PRSS21: variants seen among roughly 807,000 people sequenced by gnomAD.
PRSS21 encodes serine protease 21.
Under a neutral mutation model 31.1 loss-of-function variants are expected in PRSS21, and 40 were observed. The ratio of observed to expected loss-of-function variants is 1.29; its 90% confidence interval spans 1.00 to 1.68. The LOEUF is 1.68. Ranked by LOEUF, PRSS21 falls within the 40% of genes most tolerant of loss-of-function variation. The pLI, the probability that PRSS21 is intolerant of heterozygous loss-of-function variation, is 0.00. For missense variants in PRSS21, 467 were observed against 412.6 expected (o/e 1.13, Z -1.14); for synonymous variants, 186 against 167.7 (o/e 1.11, Z -0.84).
At chr16:2,820,676 G>A (rs2069155664) in intron 4 of PRSS21, among the ~76,000 whole-genome samples, 1 of 152,198 alleles carries the variant, frequency 6.6e-6, no homozygotes, top group Non-Finnish European at 1.5e-5. Flanking sequence ...TTTTGGCTGA[G>A]GAATCTCTCC....
At position 2,817,919 on chromosome 16, in the gene PRSS21, C is replaced by T; in HGVS notation, c.210C>T (p.Ser70=). ...GGGATTCCCACGTATGCGGAGTGAG[C>T]CTGCTCAGCCACCGCTGGGCACTCA... ...RLWDSHVCGV[S]LLSHRWALTA... Residue 70 remains serine, a synonymous_variant, in exon 3 of 6, where the codon AGC becomes AGT. Transcript: ENST00000005995. This position sits in a 1 kb window ranked among gnomAD's most constrained non-coding sequence, Gnocchi z 4.2. 4 of 1,549,422 alleles carry T rather than the reference C, an allele frequency of 2.6e-6. No homozygotes were observed. Among genetic ancestry groups the T allele is most frequent in the Non-Finnish European group, 1.7e-6 (2 of 1,146,890 alleles).
intron 3 of PRSS21, 54 bp from the exon 4 acceptor site, chr16:2,818,623 C>G: frequency 6.4e-7 from 1 of 1,556,232 alleles, no homozygotes; most frequent in Non-Finnish European, 8.8e-7. Context: ...CAGTTGTGCT[C>G]AGGTAGCCAG....
chr16:2,819,938 C>A (rs981145184), intron 4 of PRSS21, among the ~76,000 whole-genome samples: 1 of 152,168 alleles, frequency 6.6e-6, no homozygotes, highest in South Asian at 2.1e-4. Context: ...AGGAGGGATC[C>A]TTTGCCTTCC....
chr16:2,821,218 A>C (rs2150813230), intron 5 of PRSS21, 109 bp downstream of exon 5: 1 of 1,544,800 alleles, frequency 6.5e-7, no homozygotes, highest in Middle Eastern at 2.0e-4. Flanking sequence ...CCCACTCTGC[A>C]GATGCAGAAA....
chr16:2,820,541 C>G (rs2069152867), intron 4 of PRSS21, among the ~76,000 whole-genome samples: 1 of 152,114 alleles, frequency 6.6e-6, no homozygotes, highest in South Asian at 2.1e-4. Flanking sequence ...AGCTTGTGTC[C>G]AGGCCTGGAA....
In PRSS21 at chr16:2,821,022, C is replaced by T; in HGVS notation, c.618C>T (p.His206=). 6.2e-7 allele frequency: 1 copy of T among 1,614,152 alleles called. No individual in the cohort carries two copies. Among genetic ancestry groups the T allele is most frequent in the Non-Finnish European group, 8.5e-7 (1 of 1,180,006 alleles). ...TCATAAACAACTCTATGTGCAACCA[C>T]CTCTTCCTCAAGTACAGTTTCCGCA... ...VAIINNSMCN[H]LFLKYSFRKD... Residue 206 remains histidine (H), a synonymous_variant, in exon 5 of 6, where the codon CAC becomes CAT. Transcript: ENST00000005995.
chr16:2,818,980 G>A lies in PRSS21; in HGVS notation c.550+11G>A. On this transcript the variant is annotated intron_variant, in intron 4 of 5. Coordinates refer to ENST00000005995, the MANE Select transcript of PRSS21 (RefSeq NM_006799.4). ...TCAAAGAGGATGAGGGTGAGGCTGG[G>A]GACAGGCGGGTCAGGGAGGAACTGT... The A allele has an allele frequency of 6.2e-7, 1 of 1,612,556 alleles. No homozygotes were observed. The highest frequency in any genetic ancestry group is 8.5e-7 in the Non-Finnish European group (1 of 1,178,790).
rs1318160900 is a variant in PRSS21, at chr16:2,821,621, T to C, written c.*16T>C. Reference sequence around the variant, plus strand: ...GCCGGTCTGAGCCTACCTGAGCCCATGCAGCCTGGGGCCACTGCCAAGTCA... The same window carrying C: ...GCCGGTCTGAGCCTACCTGAGCCCACGCAGCCTGGGGCCACTGCCAAGTCA... On this transcript the variant is annotated 3_prime_UTR_variant, in exon 6 of 6. Coordinates refer to ENST00000005995, the MANE Select transcript of PRSS21 (RefSeq NM_006799.4). The C allele has an allele frequency of 6.2e-6, 10 of 1,605,452 alleles. No homozygotes were observed. The highest frequency in any genetic ancestry group is 5.5e-5 in the South Asian group (5 of 90,994).
chr16:2,821,427 T>C lies in PRSS21; in HGVS notation c.767T>C (p.Val256Ala). 2 of 1,614,066 alleles carry C rather than the reference T, an allele frequency of 1.2e-6. No individual in the cohort carries two copies. The highest frequency in any genetic ancestry group is 1.7e-6 in the Non-Finnish European group (2 of 1,179,898). Residue 256 changes from valine (V) to alanine (A), a missense_variant, in exon 6 of 6, where the codon GTG becomes GCG. Transcript: ENST00000005995. ...KNGLWYQIGVVSWGVGCGRPN... is the reference protein window; with the variant it reads ...KNGLWYQIGVASWGVGCGRPN... ...GGACTGTGGTATCAGATTGGAGTCG[T>C]GAGCTGGGGAGTGGGCTGTGGTCGG...
chr16:2,819,196 G>A (rs2069131667), intron 4 of PRSS21, among the ~76,000 whole-genome samples: 1 of 152,184 alleles, frequency 6.6e-6, no homozygotes, highest in South Asian at 2.1e-4. Context: ...GCGCAGGCCT[G>A]TGGGTGGTGC....
intron 4 of PRSS21, among the ~76,000 whole-genome samples, chr16:2,820,198 T>G (rs1371441385): frequency 6.6e-6 from 1 of 152,194 alleles, no homozygotes; most frequent in Non-Finnish European, 1.5e-5. Context: ...TGCCTCAGTT[T>G]CCTCCCCTGT....
intron 4 of PRSS21, among the ~76,000 whole-genome samples, chr16:2,820,657 C>A (rs1005631667): frequency 2.6e-5 from 4 of 152,214 alleles, no homozygotes; most frequent in Non-Finnish European, 5.9e-5. Flanking sequence ...TCGCCCCTCC[C>A]TCGGCTCCTT....
chr16:2,817,925 C>T lies in PRSS21; in HGVS notation c.216C>T (p.Leu72=), dbSNP rs2069107110. 6.5e-7 allele frequency: 1 copy of T among 1,549,502 alleles called. No individual in the cohort carries two copies. The highest frequency in any genetic ancestry group is 8.7e-7 in the Non-Finnish European group (1 of 1,146,892). The change falls in exon 3 of 6, where the codon CTC becomes CTT. Residue 72 remains leucine (L), a synonymous_variant. Transcript: ENST00000005995. This position sits in a 1 kb window ranked among gnomAD's most constrained non-coding sequence, Gnocchi z 4.2. ...CCCACGTATGCGGAGTGAGCCTGCT[C>T]AGCCACCGCTGGGCACTCACGGCGG... is the stretch of plus-strand genomic sequence containing the variant. ...WDSHVCGVSL[L]SHRWALTAAH...
At chr16:2,820,849 C>T (rs1387822470) in intron 4 of PRSS21, 106 bp from the exon 5 acceptor site, 1 of 1,201,296 alleles carries the variant, frequency 8.3e-7, no homozygotes, top group East Asian at 2.3e-5. Flanking sequence ...ATGAACCTGC[C>T]AGGCACAGTG....
chr16:2,819,110 G>GGTGA, intron 4 of PRSS21, 141 bp downstream of exon 4: 2 of 961,380 alleles, frequency 2.1e-6, no homozygotes, highest in Non-Finnish European at 3.1e-6. Context: ...TGCCAGGGCA[G>GGTGA]GGACCAAACA....
In PRSS21 at chr16:2,818,784, C is replaced by G. The variant is rs752561310; in HGVS notation, c.365C>G (p.Ser122Trp). The change falls in exon 4 of 6, where the codon TCG (serine) becomes TGG (tryptophan). Residue 122 changes from serine (S) to tryptophan (W), a missense_variant. By Grantham distance (177) the Ser-to-Trp change is radical. Coordinates refer to ENST00000005995, the MANE Select transcript of PRSS21 (RefSeq NM_006799.4). ...GCCTACTACACCCGTTACTTCGTATCGAATATCTATCTGAGCCCTCGCTAC... is the reference window on the plus strand; with the variant it reads ...GCCTACTACACCCGTTACTTCGTATGGAATATCTATCTGAGCCCTCGCTAC... Reference protein sequence around the residue: ...LQAYYTRYFVSNIYLSPRYLG... With the variant: ...LQAYYTRYFVWNIYLSPRYLG... 13 of 1,613,580 alleles carry G rather than the reference C, an allele frequency of 8.1e-6. No individual in the cohort carries two copies. The highest frequency in any genetic ancestry group is 1.0e-5 in the Non-Finnish European group (12 of 1,179,468).
intron 4 of PRSS21, 69 bp from the exon 5 acceptor site, chr16:2,820,884 CAG>C: frequency 6.6e-7 from 1 of 1,522,590 alleles, no homozygotes; most frequent in Non-Finnish European, 8.9e-7. Flanking sequence ...CCCACCCCCG[CAG>C]CCTATGCCAT....
Position 2,821,530 on chromosome 16 carries a change from G to A in PRSS21, c.870G>A (p.Met290Ile). 2.5e-6 allele frequency: 4 copies of A among 1,614,210 alleles called. No homozygotes were observed. Among genetic ancestry groups the A allele is most frequent in the Non-Finnish European group, 3.4e-6 (4 of 1,180,038 alleles). The change falls in exon 6 of 6, where the codon ATG (methionine) becomes ATA (isoleucine). Residue 290 changes from methionine to isoleucine, a missense_variant. Physicochemically the swap from Met to Ile is conservative, Grantham distance 10 (BLOSUM62 1). Transcript: ENST00000005995. Reference sequence around the variant, plus strand: ...AGAAGCTGATGGCCCAGAGTGGCATGTCCCAGCCAGACCCCTCCTGGCCGC... The same window carrying A: ...AGAAGCTGATGGCCCAGAGTGGCATATCCCAGCCAGACCCCTCCTGGCCGC... ...WIQKLMAQSGMSQPDPSWPLL... is the reference protein window; with the variant it reads ...WIQKLMAQSGISQPDPSWPLL...
At chr16:2,821,197 G>T in intron 5 of PRSS21, 88 bp downstream of exon 5, 1 of 1,567,862 alleles carries the variant, frequency 6.4e-7, no homozygotes. Flanking sequence ...CCGGGAGGTG[G>T]AGACTGTTGC....
Sources: allele counts gnomAD v4.1 joint callset (sites outside exome capture counted in the v4.1 genomes callset), GRCh38; gene constraint gnomAD v4.1.1; non-coding constraint Gnocchi (gnomAD v3.1); transcripts MANE v1.5; gene names NCBI Gene and HGNC (gene_info 2026-07-23, HGNC 2026-07-21).